IQCJ: variants seen among roughly 807,000 people sequenced by gnomAD.
IQCJ encodes the protein IQ domain-containing protein J.
Under a neutral mutation model 11.0 loss-of-function variants are expected in IQCJ, and 9 were observed. The ratio of observed to expected loss-of-function variants is 0.82; its 90% confidence interval spans 0.49 to 1.43. The LOEUF is 1.43. IQCJ is among the 40% of genes most tolerant of loss of function. The pLI, the probability that IQCJ is intolerant of heterozygous loss-of-function variation, is 0.00. For synonymous variants in IQCJ, 55 were observed against 51.3 expected, an observed-to-expected ratio of 1.07 and a Z score of -0.31; for missense variants, 146 against 133.2, an observed-to-expected ratio of 1.10 and a Z score of -0.47.
intron 1 of IQCJ, among the ~76,000 whole-genome samples, chr3:159,200,104 A>AATAAATATATATATATATATATATATAT (rs1553787480): frequency 9.4e-5 from 11 of 116,944 alleles, no homozygotes; most frequent in African/African-American, 3.4e-4. Flanking sequence ...TTTATACATA[A>AATAAATATATATATATATATATATATAT]ATATATATAT....
At chr3:159,123,197 A>ATT (rs1719478650) in intron 1 of IQCJ, among the ~76,000 whole-genome samples, 1 of 152,298 alleles carries the variant, frequency 6.6e-6, no homozygotes, top group African/African-American at 2.4e-5. Flanking sequence ...ATGGCAGTAT[A>ATT]TTTGACTTCA....
At chr3:159,137,887 G>A (rs1720388076) in intron 1 of IQCJ, among the ~76,000 whole-genome samples, 1 of 151,990 alleles carries the variant, frequency 6.6e-6, no homozygotes, top group Non-Finnish European at 1.5e-5. Flanking sequence ...AATAGGAAAG[G>A]GATTTTTACC....
At chr3:159,181,670 C>A (rs1381929454) in intron 1 of IQCJ, among the ~76,000 whole-genome samples, 1 of 151,606 alleles carries the variant, frequency 6.6e-6, no homozygotes, top group Non-Finnish European at 1.5e-5. Context: ...CTTCATCTAC[C>A]CAGATTCCTG....
chr3:159,170,883 A>G (rs1019948969), intron 1 of IQCJ, among the ~76,000 whole-genome samples: 1 of 152,190 alleles, frequency 6.6e-6, no homozygotes, highest in South Asian at 2.1e-4. Context: ...TTCATCTAAT[A>G]TTAGCTTTCC....
chr3:159,233,972 C>T (rs13088547), intron 1 of IQCJ, among the ~76,000 whole-genome samples: 14,880 of 152,084 alleles, frequency 0.098, 932 homozygotes, highest in Middle Eastern at 0.13. Context: ...ATGATAAATC[C>T]GAGCAGTTTG....
chr3:159,220,215 A>G (rs1049332031), intron 1 of IQCJ, among the ~76,000 whole-genome samples: 4 of 152,164 alleles, frequency 2.6e-5, no homozygotes, highest in African/African-American at 9.7e-5. Context: ...ACAGCTCTTC[A>G]TGGCCTCTGT....
chr3:159,184,603 A>G lies in IQCJ; in HGVS notation c.10-61240A>G, dbSNP rs564540285. Among the ~76,000 whole-genome samples, 58 of 152,368 alleles carry G rather than the reference A, an allele frequency of 3.8e-4. 1 individual carries two copies. The South Asian group carries it at 7.0e-3, about 18-fold the overall frequency. ...CACACAGGAGACTTACTAAACATCC[A>G]TGAATATGAATAAACAACATCCACA... On this transcript the variant is annotated intron_variant, in intron 1 of 3. Coordinates refer to ENST00000397832, the MANE Select transcript of IQCJ (RefSeq NM_001042706.3).
rs763864386 is a variant in IQCJ at position 159,245,843 on chromosome 3, G to A, written c.10G>A (p.Glu4Lys). The change falls in exon 2 of 4, where the codon GAA (glutamate) becomes AAA (lysine). Residue 4 changes from glutamate to lysine, a missense_variant and splice_region_variant. Physicochemically the swap from Glu to Lys is moderately conservative, Grantham distance 56. Coordinates refer to ENST00000397832, the MANE Select transcript of IQCJ (RefSeq NM_001042706.3). ...AAGATATATCTTCTCTTTTTCACAG[G>A]AAGAACTGAAAAGATTGCAGAATCC... Reference protein sequence around the residue: MRLEELKRLQNPLE... With the variant: MRLKELKRLQNPLE... 2.7e-5 allele frequency: 42 copies of A among 1,544,472 alleles called. No homozygotes were observed. The highest frequency in any genetic ancestry group is 3.4e-4 in the Middle Eastern group (2 of 5,926).
At chr3:159,194,092 A>G (rs556329532) in intron 1 of IQCJ, among the ~76,000 whole-genome samples, 24 of 152,318 alleles carry the variant, frequency 1.6e-4, no homozygotes, top group African/African-American at 5.8e-4. Flanking sequence ...GGAAGTAATT[A>G]CCATACACAC....
chr3:159,168,402 A>AATG (rs1431883134), intron 1 of IQCJ, among the ~76,000 whole-genome samples: 3 of 152,176 alleles, frequency 2.0e-5, no homozygotes, highest in Non-Finnish European at 4.4e-5. Context: ...ACTAATGATC[A>AATG]ATGGTTTTAA....
intron 1 of IQCJ, among the ~76,000 whole-genome samples, chr3:159,230,988 C>T (rs553850871): frequency 7.2e-5 from 11 of 152,278 alleles, no homozygotes; most frequent in African/African-American, 2.4e-4. Context: ...TTTGAAATCA[C>T]GCTTTTGCTG....
intron 3 of IQCJ, among the ~76,000 whole-genome samples, chr3:159,262,232 A>G (rs1164764832): frequency 6.6e-6 from 1 of 152,272 alleles, no homozygotes; most frequent in African/African-American, 2.4e-5. Context: ...TTGTTGTCTC[A>G]TAAATCAAAG....
At chr3:159,233,644 A>G (rs1164571735) in intron 1 of IQCJ, among the ~76,000 whole-genome samples, 1 of 152,172 alleles carries the variant, frequency 6.6e-6, no homozygotes, top group Non-Finnish European at 1.5e-5. Context: ...CCCATTTTAC[A>G]GATGATAAAA....
intron 1 of IQCJ, among the ~76,000 whole-genome samples, chr3:159,079,626 T>C (rs913438392): frequency 2.6e-5 from 4 of 152,148 alleles, no homozygotes; most frequent in African/African-American, 7.2e-5. Context: ...AAAATAAATA[T>C]GTTTTAACGA....
intron 1 of IQCJ, among the ~76,000 whole-genome samples, chr3:159,127,823 G>C (rs1300376388): frequency 2.0e-5 from 3 of 152,170 alleles, no homozygotes; most frequent in African/African-American, 7.2e-5. Context: ...AAAAATCAGT[G>C]GGGGGCTGCC....
intron 1 of IQCJ, among the ~76,000 whole-genome samples, chr3:159,080,122 T>C (rs943116394): frequency 6.6e-6 from 1 of 151,210 alleles, no homozygotes; most frequent in East Asian, 1.9e-4. Context: ...CCTACTTTTG[T>C]TTTTATAATC....
intron 1 of IQCJ, among the ~76,000 whole-genome samples, chr3:159,242,278 T>A (rs142659724): frequency 5.9e-5 from 9 of 152,286 alleles, no homozygotes; most frequent in African/African-American, 2.2e-4. Context: ...CACTGAATTA[T>A]GAAGAAGAAA....
intron 2 of IQCJ, among the ~76,000 whole-genome samples, chr3:159,247,205 T>G (rs1277494692): frequency 1.3e-5 from 2 of 152,212 alleles, no homozygotes; most frequent in Non-Finnish European, 2.9e-5. Flanking sequence ...CAAGTGATTC[T>G]TCTGCCTCAG....
chr3:159,238,705 A>G (rs1199399328), intron 1 of IQCJ, among the ~76,000 whole-genome samples: 1 of 152,052 alleles, frequency 6.6e-6, no homozygotes, highest in Non-Finnish European at 1.5e-5. Context: ...GAAGGAGGGG[A>G]AAATTGGGGT....
Sources: allele counts gnomAD v4.1 joint callset (sites outside exome capture counted in the v4.1 genomes callset), GRCh38; gene constraint gnomAD v4.1.1; transcripts MANE v1.5; gene names NCBI Gene and HGNC (gene_info 2026-07-23, HGNC 2026-07-21).